The following PHF8 variants were observed in gnomAD, a reference collection of about 807,000 sequenced individuals.
PHF8 encodes PHD finger protein 8, also known as histone lysine demethylase PHF8.
PHF8 carries 9 observed loss-of-function variants against 74.4 expected under a neutral mutation model. The observed-to-expected ratio is 0.12, with a 90% CI of 0.07 to 0.21. The LOEUF is 0.21. PHF8 is among the 10% of genes least tolerant of loss of function. PHF8 has a pLI of 1.00. For missense variants in PHF8, 478 were observed against 816.6 expected (o/e 0.59, Z 5.05); for synonymous variants, 311 against 316.6 (o/e 0.98, Z 0.19).
chrX:53,988,754 CA>C (rs1287482644), intron 14 of PHF8, among the ~76,000 whole-genome samples: 2,845 of 56,115 alleles, frequency 0.051, 105 homozygotes, highest in African/African-American at 0.16. Context: ...GACTCCGTCT[CA>C]AAAAAAAAAA....
chrX:53,940,056 A>G, intron 21 of PHF8, 124 bp downstream of exon 21: 1 of 523,117 alleles, frequency 1.9e-6, no homozygotes, highest in Admixed American at 3.0e-5. Flanking sequence ...CCATAAGATC[A>G]AATCCAAGCA....
At chrX:54,044,909 T>C, upstream of PHF8, 3 of 1,148,947 alleles carry the variant, frequency 2.6e-6, no homozygotes, top group Non-Finnish European at 3.5e-6. Context: ...TTCGATAGGC[T>C]GGGCTCTTTC....
At chrX:54,000,191 C>T (rs1444085073) in intron 10 of PHF8, among the ~76,000 whole-genome samples, 1 of 112,050 alleles carries the variant, frequency 8.9e-6, no homozygotes, top group African/African-American at 3.2e-5. Flanking sequence ...GTATTATCTT[C>T]ATTATACAGC....
At chrX:53,939,855 C>T (rs1882878420) in intron 21 of PHF8, among the ~76,000 whole-genome samples, 1 of 110,793 alleles carries the variant, frequency 9.0e-6, no homozygotes, top group Non-Finnish European at 1.9e-5. Flanking sequence ...ATCAGTTCAT[C>T]TCCTTCCTCT....
intron 2 of PHF8, among the ~76,000 whole-genome samples, chrX:54,035,887 G>A (rs1307820730): frequency 4.5e-5 from 5 of 110,434 alleles, no homozygotes; most frequent in Admixed American, 2.9e-4. Context: ...CGAGGCAGGC[G>A]GATCACCTGA....
At chrX:53,973,620 TTATACCA>T (rs1375775926) in intron 18 of PHF8, among the ~76,000 whole-genome samples, 1 of 111,709 alleles carries the variant, frequency 9.0e-6, no homozygotes, top group Non-Finnish European at 1.9e-5. Context: ...GATCCCTTCC[TTATACCA>T]TATACAAGAA....
At chrX:53,965,484 C>T (rs1339378498) in intron 18 of PHF8, among the ~76,000 whole-genome samples, 1 of 112,777 alleles carries the variant, frequency 8.9e-6, no homozygotes, top group Non-Finnish European at 1.9e-5. Flanking sequence ...ACTAAAAATA[C>T]AAAAATTAGC....
intron 11 of PHF8, 29 bp from the exon 12 acceptor site, chrX:53,995,811 C>T (rs202158152): frequency 2.1e-6 from 2 of 953,430 alleles, no homozygotes; most frequent in Non-Finnish European, 3.0e-6. Flanking sequence ...GAGGAATAAA[C>T]CCACACATAA....
At chrX:54,021,454 A>ATTTTTTTTTTTTTTTTTTT (rs1156928686) in intron 4 of PHF8, among the ~76,000 whole-genome samples, 1 of 42,173 alleles carries the variant, frequency 2.4e-5, no homozygotes, top group African/African-American at 1.1e-4. Context: ...AGTTGCAATT[A>ATTTTTTTTTTTTTTTTTTT]TTTTTTTTTT....
At position 54,021,101 on chromosome X, in the gene PHF8, A is replaced by G. The variant is rs1271515058; in HGVS notation, c.293+1158T>C. On this transcript the variant is annotated intron_variant, in intron 4 of 21. Coordinates refer to ENST00000338154, the MANE Select transcript of PHF8 (RefSeq NM_015107.3). ...GTACATATATATCATGGAATACTAC[A>G]TAGCCATAAAACAGAAGGAAATCAT... Among the ~76,000 whole-genome samples the G allele has an allele frequency of 2.7e-5, 3 of 112,598 alleles. No individual in the cohort carries two copies. The Admixed American group carries it at 2.8e-4, about 11-fold the overall frequency.
chrX:54,030,943 A>G (rs2066345146), intron 2 of PHF8, among the ~76,000 whole-genome samples: 1 of 112,296 alleles, frequency 8.9e-6, no homozygotes, highest in South Asian at 3.7e-4. Flanking sequence ...TAAATGAGCT[A>G]AAATAGTTAA....
chrX:53,999,741 A>T, intron 11 of PHF8, 129 bp downstream of exon 11: 1 of 478,566 alleles, frequency 2.1e-6, no homozygotes, highest in Admixed American at 3.4e-5. Context: ...ATCCTAGCCC[A>T]CACCTCCACT....
At chrX:53,967,158 C>T (rs1436808725) in intron 18 of PHF8, among the ~76,000 whole-genome samples, 1 of 108,915 alleles carries the variant, frequency 9.2e-6, no homozygotes, top group Admixed American at 9.5e-5. Context: ...CAGCCCCCCG[C>T]CCGGCCAGCC....
At chrX:54,001,229 G>A (rs782039001) in intron 10 of PHF8, among the ~76,000 whole-genome samples, 2 of 111,662 alleles carry the variant, frequency 1.8e-5, no homozygotes, top group African/African-American at 3.3e-5. Context: ...TGGAGGCTGA[G>A]GCAGAAGAAT....
intron 10 of PHF8, among the ~76,000 whole-genome samples, chrX:54,001,587 A>T (rs1223284380): frequency 9.0e-6 from 1 of 111,586 alleles, no homozygotes; most frequent in African/African-American, 3.3e-5. Flanking sequence ...GGATGGTACA[A>T]GGGAGGAGAG....
Position 54,044,021 on chromosome X carries a change from G to A in PHF8, c.-352C>T. On this transcript the variant is annotated 5_prime_UTR_variant, in exon 1 of 22. Transcript: ENST00000338154. ...TTCTGGGATAGTCCCCGTACCGCCG[G>A]GAACCTCGCTCGCCTTCCCCTCGAG... 1.3e-6 allele frequency: 1 copy of A among 755,172 alleles called. No homozygotes were observed. The highest frequency in any genetic ancestry group is 1.6e-6 in the Non-Finnish European group (1 of 639,489). 62.2% of individuals were successfully genotyped at this position (755,172 alleles called of 1,213,427 possible).
intron 15 of PHF8, among the ~76,000 whole-genome samples, chrX:53,987,484 C>T (rs968919433): frequency 7.2e-5 from 8 of 111,686 alleles, no homozygotes; most frequent in African/African-American, 2.6e-4. Context: ...CTGAGATGGG[C>T]GGATCACCTG....
intron 17 of PHF8, 200 bp downstream of exon 17, chrX:53,985,616 C>G (rs1176331844): frequency 1.5e-6 from 1 of 673,407 alleles, no homozygotes; most frequent in African/African-American, 2.2e-5. Flanking sequence ...GAAGTCTATA[C>G]ATCTTATTGC....
intron 15 of PHF8, 129 bp downstream of exon 15, chrX:53,987,637 A>ATCCC: frequency 5.5e-6 from 3 of 550,292 alleles, no homozygotes; most frequent in Non-Finnish European, 9.4e-6. Flanking sequence ...TGAACCCGGG[A>ATCCC]GGCGGAGGTT....
Sources: gnomAD v4.1 joint callset for allele counts (sites outside exome capture counted in the v4.1 genomes callset) on GRCh38, gnomAD v4.1.1 for gene constraint, MANE v1.5 for transcripts, NCBI Gene and HGNC (gene_info 2026-07-23, HGNC 2026-07-21) for gene names.